CDIN1: variants seen among roughly 807,000 people sequenced by gnomAD.
CDIN1 encodes CDAN1 interacting nuclease 1.
CDIN1 carries 33 observed loss-of-function variants against 45.3 expected under a neutral mutation model. That is an observed-to-expected ratio of 0.73 (90% CI 0.55 to 0.97). The LOEUF (loss-of-function observed/expected upper bound fraction) is 0.97, where lower values mean the gene tolerates loss of function less well. Ranked by LOEUF, CDIN1 falls within the 50% of genes least tolerant of loss-of-function variation. CDIN1 has a pLI of 0.00. For synonymous variants in CDIN1, 118 were observed against 124.4 expected (o/e 0.95, Z 0.34); for missense variants, 303 against 339.4 (o/e 0.89, Z 0.84).
At chr15:36,774,163 T>TGTGTGTGCGCGC (rs149222188) in intron 10 of CDIN1, among the ~76,000 whole-genome samples, 169 of 143,146 alleles carry the variant, frequency 1.2e-3, no homozygotes, top group African/African-American at 1.4e-3. Context: ...TGTGTGTGTG[T>TGTGTGTGCGCGC]GCGCGCGCGC....
chr15:36,596,330 T>C (rs2037833797), intron 1 of CDIN1, among the ~76,000 whole-genome samples: 1 of 152,104 alleles, frequency 6.6e-6, no homozygotes, highest in Non-Finnish European at 1.5e-5. Context: ...AGAGGGGGAA[T>C]ATTATGGTTT....
chr15:36,774,539 G>A (rs1009876713), intron 10 of CDIN1, among the ~76,000 whole-genome samples: 1 of 151,874 alleles, frequency 6.6e-6, no homozygotes, highest in Admixed American at 6.6e-5. Context: ...CTTTGCAAAG[G>A]TTATCATAAT....
chr15:36,791,297 CTG>C (rs1224342866), intron 10 of CDIN1, among the ~76,000 whole-genome samples: 5 of 152,226 alleles, frequency 3.3e-5, no homozygotes, highest in Non-Finnish European at 5.9e-5. Flanking sequence ...TCAATGTCTA[CTG>C]TGTGCCATTA....
In CDIN1 at chr15:36,685,337, A is replaced by G. The variant is rs953304545; in HGVS notation, c.347-6348A>G. Reference sequence around the variant, plus strand: ...TATTTCTGCCTTCATTTCGTTATGTACCCAGTAGTCATTCAGGAGCAGGTT... The same window carrying G: ...TATTTCTGCCTTCATTTCGTTATGTGCCCAGTAGTCATTCAGGAGCAGGTT... On this transcript the variant is annotated intron_variant, in intron 5 of 10. Coordinates refer to ENST00000566621, the MANE Select transcript of CDIN1 (RefSeq NM_001321759.2). Among the ~76,000 whole-genome samples, 7 of 151,342 alleles carry G rather than the reference A, an allele frequency of 4.6e-5. No homozygotes were observed. In the East Asian group the frequency reaches 7.8e-4, roughly 17 times the overall value.
At chr15:36,664,529 G>A (rs1032812523) in intron 5 of CDIN1, among the ~76,000 whole-genome samples, 11 of 151,830 alleles carry the variant, frequency 7.2e-5, no homozygotes, top group African/African-American at 1.9e-4. Flanking sequence ...CCAACTGTTC[G>A]CAAGCCTCCT....
At chr15:36,774,133 G>GGTGT (rs761451923) in intron 10 of CDIN1, among the ~76,000 whole-genome samples, 5,078 of 138,744 alleles carry the variant, frequency 0.037, 272 homozygotes, top group African/African-American at 0.12. Context: ...AACTGACAGG[G>GGTGT]GTGTGTGTGT....
chr15:36,749,432 G>T (rs990786622), intron 10 of CDIN1, among the ~76,000 whole-genome samples: 4 of 152,070 alleles, frequency 2.6e-5, no homozygotes, highest in African/African-American at 9.7e-5. Context: ...GAGATATGTG[G>T]CCCATGTAGC....
intron 10 of CDIN1, among the ~76,000 whole-genome samples, chr15:36,719,428 G>T (rs1042392919): frequency 6.6e-6 from 1 of 152,084 alleles, no homozygotes; most frequent in African/African-American, 2.4e-5. Context: ...AATACTGATT[G>T]ATATTTTAAT....
chr15:36,729,111 C>T (rs562339979), intron 10 of CDIN1, among the ~76,000 whole-genome samples: 13 of 152,216 alleles, frequency 8.5e-5, no homozygotes, highest in African/African-American at 2.6e-4. Context: ...TTTCATCTTA[C>T]GGTTGTGCTA....
At chr15:36,744,719 T>C (rs747883919) in intron 10 of CDIN1, among the ~76,000 whole-genome samples, 4 of 152,184 alleles carry the variant, frequency 2.6e-5, no homozygotes, top group Non-Finnish European at 5.9e-5. Context: ...CCAAATTGAA[T>C]CGGACCCCCT....
chr15:36,772,500 T>A (rs941272256), intron 10 of CDIN1, among the ~76,000 whole-genome samples: 3 of 152,224 alleles, frequency 2.0e-5, no homozygotes, highest in Non-Finnish European at 2.9e-5. Flanking sequence ...CCAAAGGACC[T>A]CCTCTGGTCT....
At chr15:36,710,900 G>A (rs116512645) in intron 10 of CDIN1, among the ~76,000 whole-genome samples, 3,217 of 152,222 alleles carry the variant, frequency 0.021, 114 homozygotes, top group African/African-American at 0.074. Context: ...AGTGGACCTC[G>A]CCTGTGGCAG....
intron 1 of CDIN1, among the ~76,000 whole-genome samples, chr15:36,628,152 A>G (rs1047165242): frequency 6.6e-6 from 1 of 152,116 alleles, no homozygotes; most frequent in African/African-American, 2.4e-5. Context: ...ACCTAACACC[A>G]TGGTCAAGAT....
intron 1 of CDIN1, among the ~76,000 whole-genome samples, chr15:36,601,273 A>G (rs1309722298): frequency 6.6e-6 from 1 of 152,174 alleles, no homozygotes; most frequent in South Asian, 2.1e-4. Context: ...AGGGACCTTT[A>G]TGTGAAATTT....
chr15:36,795,538 A>G (rs1051407901), intron 10 of CDIN1, among the ~76,000 whole-genome samples: 15 of 152,168 alleles, frequency 9.9e-5, no homozygotes, highest in African/African-American at 3.6e-4. Context: ...CTAGACTTAA[A>G]TGTTCAAACA....
intron 6 of CDIN1, 73 bp downstream of exon 6, chr15:36,691,837 C>T: frequency 8.7e-7 from 1 of 1,154,070 alleles, no homozygotes; most frequent in Non-Finnish European, 1.3e-6. Context: ...TTTTAAACCT[C>T]ATTTAATTAC....
intron 5 of CDIN1, among the ~76,000 whole-genome samples, chr15:36,678,201 G>T (rs148406583): frequency 6.6e-6 from 1 of 152,312 alleles, no homozygotes; most frequent in African/African-American, 2.4e-5. Flanking sequence ...GAGCCAGTGG[G>T]CTAGTGCTTA....
intron 10 of CDIN1, among the ~76,000 whole-genome samples, chr15:36,743,394 G>A (rs934439280): frequency 1.1e-4 from 17 of 152,142 alleles, no homozygotes; most frequent in Admixed American, 3.3e-4. Flanking sequence ...AACACACAAA[G>A]ATATTCTGTG....
At chr15:36,718,493 A>G (rs1338644986) in intron 10 of CDIN1, among the ~76,000 whole-genome samples, 6 of 152,156 alleles carry the variant, frequency 3.9e-5, no homozygotes, top group African/African-American at 1.4e-4. Flanking sequence ...TGAACCTGAC[A>G]TCTCTCCATT....
Sources: gnomAD v4.1 joint callset for allele counts (sites outside exome capture counted in the v4.1 genomes callset) on GRCh38, gnomAD v4.1.1 for gene constraint, MANE v1.5 for transcripts, NCBI Gene and HGNC (gene_info 2026-07-23, HGNC 2026-07-21) for gene names.